Variants in RYR2 observed in about 807,000 individuals in gnomAD.
RYR2 encodes the protein cardiac muscle ryanodine receptor-calcium release channel.
In RYR2, 227 loss-of-function variants were observed where a neutral mutation model predicts 601.1. The observed-to-expected ratio is 0.38, with a 90% CI of 0.34 to 0.42. RYR2 has a LOEUF of 0.42. Ranked by LOEUF, RYR2 falls within the 10% of genes least tolerant of loss-of-function variation. RYR2 has a pLI of 1.00. For missense variants in RYR2, 4,646 were observed against 6,156.5 expected, an observed-to-expected ratio of 0.75 and a Z score of 8.21; for synonymous variants, 2,223 against 2,175.1, an observed-to-expected ratio of 1.02 and a Z score of -0.61.
intron 1 of RYR2, among the ~76,000 whole-genome samples, chr1:237,208,940 A>G (rs56335947): frequency 0.43 from 9,593 of 22,524 alleles, 381 homozygotes; most frequent in Non-Finnish European, 0.46. Flanking sequence ...GTGTGTGTAT[A>G]TATATATATA....
At chr1:237,600,011 C>T (rs1676326362) in intron 34 of RYR2, among the ~76,000 whole-genome samples, 1 of 151,992 alleles carries the variant, frequency 6.6e-6, no homozygotes, top group Admixed American at 6.6e-5. Context: ...AAAGTAATTA[C>T]AGATTCAGTG....
intron 50 of RYR2, among the ~76,000 whole-genome samples, chr1:237,650,657 A>G (rs1682640185): frequency 6.6e-6 from 1 of 152,188 alleles, no homozygotes; most frequent in African/African-American, 2.4e-5. Flanking sequence ...TTTGCCTGTG[A>G]AAGTGATAAT....
intron 1 of RYR2, among the ~76,000 whole-genome samples, chr1:237,237,955 T>TCC (rs749994451): frequency 4.6e-4 from 21 of 46,072 alleles, no homozygotes; most frequent in African/African-American, 5.6e-4. Flanking sequence ...CCCTTTCCTT[T>TCC]CCTTTCCTTT....
chr1:237,235,100 A>G (rs1685427782), intron 1 of RYR2, among the ~76,000 whole-genome samples: 1 of 152,132 alleles, frequency 6.6e-6, no homozygotes, highest in Non-Finnish European at 1.5e-5. Flanking sequence ...TGAAGGAGTA[A>G]GTTTTGCTGT....
chr1:237,602,947 G>C (rs752684953), intron 35 of RYR2, among the ~76,000 whole-genome samples: 14 of 152,290 alleles, frequency 9.2e-5, no homozygotes, highest in Middle Eastern at 3.4e-3. Flanking sequence ...ACAGTGATTA[G>C]AGCCATGGAA....
chr1:237,159,293 A>G (rs2490364), intron 1 of RYR2, among the ~76,000 whole-genome samples: 84,538 of 151,804 alleles, frequency 0.56, 24,570 homozygotes, highest in Non-Finnish European at 0.65. Flanking sequence ...CTCCATCTCA[A>G]AAAATAATAA....
intron 63 of RYR2, among the ~76,000 whole-genome samples, 172 bp downstream of exon 63, chr1:237,687,676 A>G (rs1254438029): frequency 2.0e-5 from 3 of 152,120 alleles, no homozygotes; most frequent in Non-Finnish European, 4.4e-5. Context: ...AGCATTATGT[A>G]TGGTGAAATT....
At chr1:237,664,302 G>A (rs1426732632) in intron 56 of RYR2, among the ~76,000 whole-genome samples, 1 of 152,188 alleles carries the variant, frequency 6.6e-6, no homozygotes, top group Non-Finnish European at 1.5e-5. Flanking sequence ...TATTATGTAT[G>A]CTGCATTGTT....
chr1:237,238,107 C>T (rs628304), intron 1 of RYR2, among the ~76,000 whole-genome samples: 44,110 of 151,576 alleles, frequency 0.29, 6,644 homozygotes, highest in East Asian at 0.43. Flanking sequence ...GTGTGGTCCA[C>T]ACCAGTAGCT....
intron 1 of RYR2, among the ~76,000 whole-genome samples, chr1:237,207,616 C>T (rs1306179746): frequency 6.6e-6 from 1 of 152,146 alleles, no homozygotes; most frequent in Non-Finnish European, 1.5e-5. Flanking sequence ...CAGTAAGAAG[C>T]CCTCACCGGA....
At chr1:237,803,035 C>G (rs1014772850) in intron 98 of RYR2, among the ~76,000 whole-genome samples, 3 of 152,170 alleles carry the variant, frequency 2.0e-5, no homozygotes, top group Non-Finnish European at 2.9e-5. Context: ...CTGTGTCTCT[C>G]TGAAACATAG....
chr1:237,659,949 G>C, intron 54 of RYR2, 36 bp from the exon 55 acceptor site: 4 of 1,396,608 alleles, frequency 2.9e-6, no homozygotes, highest in Non-Finnish European at 3.9e-6. Context: ...AAATTAACAC[G>C]TGTAAAACAA....
intron 1 of RYR2, among the ~76,000 whole-genome samples, chr1:237,103,003 T>C (rs1284683340): frequency 6.6e-6 from 1 of 152,228 alleles, no homozygotes; most frequent in Admixed American, 6.5e-5. Context: ...AGTTTCATCT[T>C]ATGAAACAGA....
At chr1:237,718,316 A>G in intron 72 of RYR2, 146 bp from the exon 73 acceptor site, 1 of 483,376 alleles carries the variant, frequency 2.1e-6, no homozygotes, top group African/African-American at 2.0e-5. Context: ...TATTTGAATG[A>G]GAATGCCCCA....
intron 84 of RYR2, among the ~76,000 whole-genome samples, chr1:237,767,640 A>T (rs901141296): frequency 2.0e-5 from 3 of 152,192 alleles, no homozygotes; most frequent in Admixed American, 6.5e-5. Flanking sequence ...CACTGTAGTC[A>T]CTAACTAAAT....
intron 17 of RYR2, among the ~76,000 whole-genome samples, chr1:237,478,504 AATTTG>A (rs1431212799): frequency 6.6e-6 from 1 of 152,188 alleles, no homozygotes; most frequent in African/African-American, 2.4e-5. Context: ...CTACAAGATT[AATTTG>A]ATTTATTAAA....
At chr1:237,288,642 C>T (rs1003787023) in intron 2 of RYR2, among the ~76,000 whole-genome samples, 8 of 152,054 alleles carry the variant, frequency 5.3e-5, no homozygotes, top group African/African-American at 1.7e-4. Context: ...AACAGAAGGG[C>T]CAGTCGTACT....
chr1:237,803,856 A>G (rs192274472), intron 98 of RYR2, among the ~76,000 whole-genome samples: 1 of 152,050 alleles, frequency 6.6e-6, no homozygotes, highest in African/African-American at 2.4e-5. Context: ...TCTCCCTTCT[A>G]TCTTTACCAC....
At chr1:237,073,729 G>C (rs1034712304) in intron 1 of RYR2, among the ~76,000 whole-genome samples, 1 of 152,028 alleles carries the variant, frequency 6.6e-6, no homozygotes, top group Non-Finnish European at 1.5e-5. Context: ...AAATTAGCTG[G>C]GTGTTGTGGC....
Sources: allele counts gnomAD v4.1 joint callset (sites outside exome capture counted in the v4.1 genomes callset), GRCh38; gene constraint gnomAD v4.1.1; transcripts MANE v1.5; gene names NCBI Gene and HGNC (gene_info 2026-07-23, HGNC 2026-07-21).